DNAJB4: variants seen among roughly 807,000 people sequenced by gnomAD.
The protein encoded by DNAJB4 is DnaJ heat shock protein family (Hsp40) member B4, also known as dnaJ homolog subfamily B member 4.
DNAJB4 carries 10 observed loss-of-function variants against 26.6 expected under a neutral mutation model. That is an observed-to-expected ratio of 0.38 (90% confidence interval 0.23 to 0.64). The LOEUF is 0.64. DNAJB4 is among the 30% of genes least tolerant of loss of function. The probability of loss-of-function intolerance (pLI) is 0.58; values close to 1 mark genes in which losing one functional copy is unlikely to be tolerated. For missense variants in DNAJB4, 328 were observed against 408.2 expected, an observed-to-expected ratio of 0.80 and a Z score of 1.69; for synonymous variants, 136 against 134.8, an observed-to-expected ratio of 1.01 and a Z score of -0.06.
At chr1:78,004,908 GTA>G (rs1660290233), upstream of DNAJB4, 3 of 595,550 alleles carry the variant, frequency 5.0e-6, no homozygotes, top group African/African-American at 5.6e-5. Context: ...CCTGTGTAGT[GTA>G]TATTTATCTG....
At chr1:77,991,870 C>G (rs548441033) in intron 1 of DNAJB4, among the ~76,000 whole-genome samples, 11 of 152,198 alleles carry the variant, frequency 7.2e-5, no homozygotes, top group Middle Eastern at 6.8e-3. Context: ...AGTCATAGTT[C>G]TGTTGGCTAT....
rs556692455 is a variant in DNAJB4, at chr1:77,997,351, A to G, written c.-31-7729A>G. Among the ~76,000 whole-genome samples the G allele has an allele frequency of 2.0e-5, 3 of 150,888 alleles. No homozygotes were observed. The South Asian group carries it at 6.2e-4, about 31-fold the overall frequency. On this transcript the variant is annotated intron_variant, in intron 1 of 2. Coordinates refer to the DNAJB4 transcript ENST00000426517. ...AAAAAAAATCTATATCTATATCTAT[A>G]TCTATATATCTATATATATATTAGC...
At chr1:78,004,898 C>T (rs909521625), upstream of DNAJB4, 3 of 574,180 alleles carry the variant, frequency 5.2e-6, no homozygotes, top group African/African-American at 5.6e-5. Context: ...GAGGCTGTCT[C>T]CTGTGTAGTG....
intron 1 of DNAJB4, among the ~76,000 whole-genome samples, chr1:77,986,196 C>G (rs1659786184): frequency 6.6e-6 from 1 of 152,078 alleles, no homozygotes; most frequent in African/African-American, 2.4e-5. Context: ...AGCTTCTGGC[C>G]AGGTTACAGC....
At chr1:77,999,429 GGTT>G (rs1160168843) in intron 1 of DNAJB4, among the ~76,000 whole-genome samples, 3 of 139,084 alleles carry the variant, frequency 2.2e-5, no homozygotes, top group African/African-American at 7.3e-5. Flanking sequence ...GCATAGAACA[GGTT>G]TTTTTTTTTT....
chr1:77,997,343 A>G (rs1246151972), intron 1 of DNAJB4, among the ~76,000 whole-genome samples: 1 of 150,204 alleles, frequency 6.7e-6, no homozygotes, highest in South Asian at 2.1e-4. Context: ...ATCTATATCT[A>G]TATCTATATC....
chr1:78,015,831 G>C (rs956701450), intron 2 of DNAJB4, among the ~76,000 whole-genome samples, 183 bp from the exon 3 acceptor site: 1 of 151,902 alleles, frequency 6.6e-6, no homozygotes, highest in African/African-American at 2.4e-5. Context: ...TTACAGGTGT[G>C]AGCCACCGTG....
rs956447603 is a variant in DNAJB4, at chr1:78,016,385, C to T, written c.*138C>T. On this transcript the variant is annotated 3_prime_UTR_variant, in exon 3 of 3. Transcript: ENST00000370763. Reference sequence around the variant, plus strand: ...GTTCATTAAATTGCATGAATAGAGACGGGTCAAATAAATAGGCAAAAGGGA... The same window carrying T: ...GTTCATTAAATTGCATGAATAGAGATGGGTCAAATAAATAGGCAAAAGGGA... The T allele has an allele frequency of 5.7e-5, 39 of 686,708 alleles. No individual in the cohort carries two copies. The highest frequency in any genetic ancestry group is 4.0e-4 in the Middle Eastern group (1 of 2,476). The allele number at this position is 686,708 out of a possible 1,614,324, so 42.5% of individuals were successfully genotyped here. A position where few individuals can be genotyped will look rare whatever the true frequency, so the allele number is the denominator to read the frequency against.
intron 1 of DNAJB4, among the ~76,000 whole-genome samples, chr1:77,981,908 T>A (rs1398887422): frequency 1.3e-5 from 2 of 152,190 alleles, no homozygotes; most frequent in African/African-American, 4.8e-5. Flanking sequence ...ATGGGAGATA[T>A]AACAGGGCAT....
rs1249096600 is a variant in DNAJB4 at position 78,017,223 on chromosome 1, C to A, written c.*976C>A. ...CTGCTTATGGATAATGTTGCAACTA[C>A]TTGTTATGCATATAAATATTTTACT... On this transcript the variant is annotated 3_prime_UTR_variant, in exon 3 of 3. Transcript: ENST00000370763. 6.6e-6 allele frequency: 1 copy of A among 151,904 alleles called. No individual in the cohort carries two copies. Among genetic ancestry groups the A allele is most frequent in the African/African-American group, 2.4e-5 (1 of 41,402 alleles). The allele number at this position is 151,904 out of a possible 1,614,324, so 9.4% of individuals were successfully genotyped here.
Position 78,017,204 on chromosome 1 carries a change from A to G in DNAJB4, c.*957A>G, listed in dbSNP as rs781348595. On this transcript the variant is annotated 3_prime_UTR_variant, in exon 3 of 3. Coordinates refer to ENST00000370763, the MANE Select transcript of DNAJB4 (RefSeq NM_007034.5). Reference sequence around the variant, plus strand: ...GGAAAATAAACACTAACTGCTGCTTATGGATAATGTTGCAACTACTTGTTA... The same window carrying G: ...GGAAAATAAACACTAACTGCTGCTTGTGGATAATGTTGCAACTACTTGTTA... The G allele has an allele frequency of 6.6e-6, 1 of 152,070 alleles. No homozygotes were observed. The highest frequency in any genetic ancestry group is 2.4e-5 in the African/African-American group (1 of 41,466). 9.4% of individuals were successfully genotyped at this position (152,070 alleles called of 1,614,324 possible). A position where few individuals can be genotyped will look rare whatever the true frequency, so the allele number is the denominator to read the frequency against.
At chr1:77,987,461 C>T (rs752284911) in intron 1 of DNAJB4, among the ~76,000 whole-genome samples, 1 of 152,132 alleles carries the variant, frequency 6.6e-6, no homozygotes, top group African/African-American at 2.4e-5. Context: ...ATGGGGGTCT[C>T]GCTATGTTGC....
intron 1 of DNAJB4, among the ~76,000 whole-genome samples, chr1:77,982,451 T>G (rs764906580): frequency 5.3e-5 from 8 of 152,262 alleles, no homozygotes; most frequent in Admixed American, 2.6e-4. Flanking sequence ...CTCATGAAAC[T>G]TAACCTGACT....
chr1:77,997,313 A>AC (rs1660084317), intron 1 of DNAJB4, among the ~76,000 whole-genome samples: 1 of 130,588 alleles, frequency 7.7e-6, no homozygotes, highest in African/African-American at 3.5e-5. Context: ...ACCTGTCTCT[A>AC]CAAAAAAAAA....
rs750144610 is a variant in DNAJB4 at position 78,016,136 on chromosome 1, A to G, written c.903A>G (p.Pro301=). Residue 301 remains proline, a synonymous_variant, in exon 3 of 3, where the codon CCA becomes CCG. Coordinates refer to ENST00000370763, the MANE Select transcript of DNAJB4 (RefSeq NM_007034.5). ...TTATTGGATATGGGCTGCCATTTCC[A>G]AAAAATCCTGACCAACGTGGTGACC... ...RRIIGYGLPF[P]KNPDQRGDLL... 3.7e-6 allele frequency: 6 copies of G among 1,614,024 alleles called. No homozygotes were observed. In the African/African-American group the frequency reaches 8.0e-5, roughly 22 times the overall value.
chr1:78,006,072 T>C (rs78146780), intron 1 of DNAJB4, among the ~76,000 whole-genome samples: 1 of 152,194 alleles, frequency 6.6e-6, no homozygotes, highest in South Asian at 2.1e-4. Flanking sequence ...TTAGATAACA[T>C]TATTTATTTA....
chr1:77,982,948 C>T (rs567817207), intron 1 of DNAJB4, among the ~76,000 whole-genome samples: 111 of 152,188 alleles, frequency 7.3e-4, no homozygotes, highest in African/African-American at 2.5e-3. Flanking sequence ...TAAGGTGGAA[C>T]GAGAGACTTA....
At chr1:77,997,156 A>T (rs1660079979) in intron 1 of DNAJB4, among the ~76,000 whole-genome samples, 1 of 152,062 alleles carries the variant, frequency 6.6e-6, no homozygotes, top group Non-Finnish European at 1.5e-5. Flanking sequence ...CTTTTTGAAG[A>T]GCATAAAAGA....
chr1:78,014,253 G>T (rs1660574785), intron 2 of DNAJB4, among the ~76,000 whole-genome samples: 1 of 151,304 alleles, frequency 6.6e-6, no homozygotes. Context: ...GATTACAGGC[G>T]CCCCCCACCA....
Sources: allele counts gnomAD v4.1 joint callset (sites outside exome capture counted in the v4.1 genomes callset), GRCh38; gene constraint gnomAD v4.1.1; transcripts MANE v1.5; gene names NCBI Gene and HGNC (gene_info 2026-07-23, HGNC 2026-07-21).